PLEKHA7: variants seen among roughly 807,000 people sequenced by gnomAD.
The protein encoded by PLEKHA7 is pleckstrin homology domain containing A7, also known as pleckstrin homology domain-containing family A member 7.
In PLEKHA7, 104 loss-of-function variants were observed where a neutral mutation model predicts 170.0. The ratio of observed to expected loss-of-function variants is 0.61; its 90% CI spans 0.52 to 0.72. The LOEUF (loss-of-function observed/expected upper bound fraction) is 0.72. PLEKHA7 is among the 30% of genes least tolerant of loss of function. The probability of loss-of-function intolerance (pLI) is 0.00; values close to 1 mark genes in which losing one functional copy is unlikely to be tolerated. For missense variants in PLEKHA7, 1,615 were observed against 1,671.7 expected, an observed-to-expected ratio of 0.97 and a Z score of 0.59; for synonymous variants, 648 against 660.8, an observed-to-expected ratio of 0.98 and a Z score of 0.30.
intron 3 of PLEKHA7, among the ~76,000 whole-genome samples, chr11:16,947,002 C>T (rs1352391672): frequency 6.6e-6 from 1 of 152,146 alleles, no homozygotes; most frequent in Non-Finnish European, 1.5e-5. Flanking sequence ...GGTTCCAAAA[C>T]GCAGCTGCGC....
chr11:16,876,587 G>A (rs6486316), intron 3 of PLEKHA7, among the ~76,000 whole-genome samples: 10,023 of 152,168 alleles, frequency 0.066, 1,062 homozygotes, highest in African/African-American at 0.22. Context: ...ACAAGCCCTG[G>A]GCCAGGAAGT....
intron 3 of PLEKHA7, among the ~76,000 whole-genome samples, chr11:16,890,184 A>G (rs1052395196): frequency 6.6e-6 from 1 of 152,262 alleles, no homozygotes; most frequent in Non-Finnish European, 1.5e-5. Context: ...GGCAATATTC[A>G]TCATCATAAA....
intron 3 of PLEKHA7, among the ~76,000 whole-genome samples, chr11:16,991,753 T>C (rs1864057430): frequency 6.6e-6 from 1 of 152,074 alleles, no homozygotes; most frequent in Admixed American, 6.5e-5. Context: ...AGCCCACAGA[T>C]GGTTCGAGCG....
intron 3 of PLEKHA7, among the ~76,000 whole-genome samples, chr11:16,949,725 AG>A: frequency 6.6e-6 from 1 of 152,342 alleles, no homozygotes; most frequent in East Asian, 1.9e-4. Context: ...TATCTAGCAC[AG>A]GAGTTAAGAC....
chr11:16,827,469 T>C (rs574027304), intron 9 of PLEKHA7, among the ~76,000 whole-genome samples: 2 of 152,290 alleles, frequency 1.3e-5, no homozygotes, highest in Admixed American at 1.3e-4. Flanking sequence ...TAGGCTTTGC[T>C]CTACTGCCTC....
intron 3 of PLEKHA7, among the ~76,000 whole-genome samples, chr11:16,994,292 G>A (rs1175016788): frequency 1.3e-5 from 2 of 152,216 alleles, no homozygotes; most frequent in Non-Finnish European, 2.9e-5. Flanking sequence ...GAGTGGAAGT[G>A]AGGGCTACCT....
At chr11:16,975,251 A>C (rs894452122) in intron 3 of PLEKHA7, among the ~76,000 whole-genome samples, 1 of 152,250 alleles carries the variant, frequency 6.6e-6, no homozygotes, top group African/African-American at 2.4e-5. Flanking sequence ...GAAATAATAT[A>C]CTATACAACC....
At chr11:16,795,251 C>T (rs1464448956) in intron 17 of PLEKHA7, 2 of 518,902 alleles carry the variant, frequency 3.9e-6, no homozygotes, top group Non-Finnish European at 6.9e-6. Flanking sequence ...TCCAGCTTGC[C>T]TACCTAATTT....
intron 10 of PLEKHA7, among the ~76,000 whole-genome samples, chr11:16,822,051 T>C (rs906026139): frequency 1.2e-4 from 18 of 151,982 alleles, no homozygotes; most frequent in African/African-American, 4.3e-4. Context: ...CCACCTCTCA[T>C]TTCCCTGTTA....
chr11:16,927,168 G>A (rs1189915643), intron 3 of PLEKHA7, among the ~76,000 whole-genome samples: 1 of 152,172 alleles, frequency 6.6e-6, no homozygotes, highest in Non-Finnish European at 1.5e-5. Context: ...GACAAAGCGA[G>A]ATCTTGTCTC....
intron 3 of PLEKHA7, among the ~76,000 whole-genome samples, chr11:16,899,190 C>G (rs2136020075): frequency 1.3e-5 from 2 of 152,276 alleles, no homozygotes; most frequent in Admixed American, 1.3e-4. Context: ...GAAATGTGTT[C>G]AATATAGACA....
In PLEKHA7 at chr11:16,957,689, ATTTTTT is replaced by A. The variant is rs1565154427; in HGVS notation, c.221+56294_221+56299del. On this transcript the variant is annotated intron_variant, in intron 3 of 26. Transcript: ENST00000531066. Reference sequence around the variant, plus strand: ...ATATTACATGAATTTTACCTCAATAATTTTTTTCTTTTTTTTTTTTTTTTTTTTTTT... The same window carrying A: ...ATATTACATGAATTTTACCTCAATAATCTTTTTTTTTTTTTTTTTTTTTTT... Among the ~76,000 whole-genome samples, 3 of 118,298 alleles carry A rather than the reference ATTTTTT, an allele frequency of 2.5e-5. 1 individual carries two copies. Among genetic ancestry groups the A allele is most frequent in the Admixed American group, 8.9e-5 (1 of 11,202 alleles). The allele number at this position is 118,298 out of a possible 152,430, so 77.6% of individuals were successfully genotyped here. A position where few individuals can be genotyped will look rare whatever the true frequency, so the allele number is the denominator to read the frequency against.
chr11:16,801,911 C>A, intron 15 of PLEKHA7, 94 bp from the exon 16 acceptor site: 1 of 1,505,248 alleles, frequency 6.6e-7, no homozygotes, highest in Non-Finnish European at 9.1e-7. Context: ...CTGGACCTAA[C>A]CAAGGCCGAA....
At chr11:16,901,075 G>A (rs1373461881) in intron 3 of PLEKHA7, among the ~76,000 whole-genome samples, 1 of 152,038 alleles carries the variant, frequency 6.6e-6, no homozygotes, top group African/African-American at 2.4e-5. Context: ...TCGAACTCCT[G>A]ACCTCAGGTG....
chr11:16,910,429 G>A (rs932800645), intron 3 of PLEKHA7, among the ~76,000 whole-genome samples: 3 of 152,188 alleles, frequency 2.0e-5, no homozygotes, highest in South Asian at 2.1e-4. Flanking sequence ...TATTCAGTGT[G>A]ACTTCATTTA....
chr11:16,813,090 G>A, intron 13 of PLEKHA7, 23 bp downstream of exon 13: 2 of 1,608,510 alleles, frequency 1.2e-6, no homozygotes, highest in Non-Finnish European at 1.7e-6. Context: ...TGCAAGGAAG[G>A]CAGGAACCCT....
At chr11:16,801,965 C>A (rs556555145) in intron 15 of PLEKHA7, 148 bp from the exon 16 acceptor site, 5 of 937,676 alleles carry the variant, frequency 5.3e-6, no homozygotes, top group South Asian at 1.6e-5. Flanking sequence ...GGCTCTGATG[C>A]CAGCTCTGAC....
intron 3 of PLEKHA7, among the ~76,000 whole-genome samples, chr11:16,957,288 T>C (rs1048067852): frequency 1.3e-5 from 2 of 152,212 alleles, no homozygotes; most frequent in Non-Finnish European, 2.9e-5. Context: ...AATCTCAGTA[T>C]CCAAAAACAA....
intron 3 of PLEKHA7, among the ~76,000 whole-genome samples, chr11:16,982,467 C>T (rs771374569): frequency 1.2e-4 from 18 of 152,360 alleles, no homozygotes; most frequent in Middle Eastern, 3.4e-3. Flanking sequence ...TCCAGGGTGA[C>T]TAGCACATTC....
Sources: allele counts gnomAD v4.1 joint callset (sites outside exome capture counted in the v4.1 genomes callset), GRCh38; gene constraint gnomAD v4.1.1; transcripts MANE v1.5; gene names NCBI Gene and HGNC (gene_info 2026-07-23, HGNC 2026-07-21).